Variants in VPS35 observed in about 807,000 individuals in gnomAD.
The protein encoded by VPS35 is VPS35 retromer complex component.
A neutral mutation model predicts 98.1 loss-of-function variants in VPS35; 21 were observed. The ratio of observed to expected loss-of-function variants is 0.21; its 90% CI spans 0.15 to 0.31. The LOEUF is 0.31. Among genes scored for constraint, VPS35 ranks in the 10% least tolerant of loss-of-function variants. VPS35 has a pLI of 1.00. For missense variants in VPS35, 554 were observed against 950.8 expected, an observed-to-expected ratio of 0.58 and a Z score of 5.49; for synonymous variants, 268 against 318.2, an observed-to-expected ratio of 0.84 and a Z score of 1.68.
At chr16:46,672,125 T>C in intron 11 of VPS35, 140 bp downstream of exon 11, 1 of 807,952 alleles carries the variant, frequency 1.2e-6, no homozygotes, top group Admixed American at 2.7e-5. Flanking sequence ...CATCTCCAAT[T>C]TTTAATTTAT....
intron 3 of VPS35, 163 bp downstream of exon 3, chr16:46,681,916 T>A: frequency 3.2e-6 from 2 of 624,904 alleles, no homozygotes; most frequent in Non-Finnish European, 5.8e-6. Context: ...ACTCTCAAAG[T>A]GTTTTTCTCA....
At chr16:46,682,333 T>C in intron 2 of VPS35, 158 bp from the exon 3 acceptor site, 1 of 637,942 alleles carries the variant, frequency 1.6e-6, no homozygotes, top group East Asian at 2.8e-5. Flanking sequence ...TTAGATCGGT[T>C]CACCTTGCCG....
rs973278875 is a variant in VPS35, at chr16:46,657,113, G to A, written c.*3359C>T. 1 of 152,208 alleles carries A rather than the reference G, an allele frequency of 6.6e-6. No homozygotes were observed. The highest frequency in any genetic ancestry group is 1.5e-5 in the Non-Finnish European group (1 of 68,058). 9.4% of individuals were successfully genotyped at this position (152,208 alleles called of 1,614,324 possible). On this transcript the variant is annotated 3_prime_UTR_variant, in exon 17 of 17. Coordinates refer to ENST00000299138, the MANE Select transcript of VPS35 (RefSeq NM_018206.6). Reference sequence around the variant, plus strand: ...AGTAATCAGCAATACAAGACCACAAGCCAGGAAACATTTGTCTTTAATCAA... The same window carrying A: ...AGTAATCAGCAATACAAGACCACAAACCAGGAAACATTTGTCTTTAATCAA...
chr16:46,686,649 A>G (rs1221643590), intron 1 of VPS35, among the ~76,000 whole-genome samples: 1 of 152,228 alleles, frequency 6.6e-6, no homozygotes, highest in African/African-American at 2.4e-5. Context: ...GCTATTCTTG[A>G]TGCCTTACTA....
chr16:46,671,502 C>T (rs763506465), intron 12 of VPS35, among the ~76,000 whole-genome samples: 43 of 151,930 alleles, frequency 2.8e-4, no homozygotes, highest in Non-Finnish European at 5.7e-4. Context: ...GATGGAGTCT[C>T]GCTGTGTTGC....
chr16:46,662,143 T>G, intron 15 of VPS35, 100 bp downstream of exon 15: 1 of 1,600,422 alleles, frequency 6.2e-7, no homozygotes. Flanking sequence ...TCATCAGATT[T>G]CCAAGCACCC....
chr16:46,676,237 G>A (rs1596720130), intron 8 of VPS35, among the ~76,000 whole-genome samples: 1 of 152,212 alleles, frequency 6.6e-6, no homozygotes, highest in African/African-American at 2.4e-5. Flanking sequence ...CCCACTGCAA[G>A]ATACTTACAT....
intron 12 of VPS35, among the ~76,000 whole-genome samples, chr16:46,669,692 AAG>A (rs941256416): frequency 6.6e-6 from 1 of 151,820 alleles, no homozygotes; most frequent in South Asian, 2.1e-4. Context: ...GAAAAAAGAA[AAG>A]AGAAAAAAAG....
chr16:46,677,578 C>A, intron 6 of VPS35, 180 bp from the exon 7 acceptor site: 1 of 599,024 alleles, frequency 1.7e-6, no homozygotes, highest in Non-Finnish European at 3.0e-6. Flanking sequence ...TTCGGTTGCC[C>A]AGGCTGGAGT....
intron 1 of VPS35, 39 bp downstream of exon 1, chr16:46,689,092 G>C: frequency 6.2e-7 from 1 of 1,603,760 alleles, no homozygotes; most frequent in Non-Finnish European, 8.5e-7. Context: ...GGGCTACAAG[G>C]AGGGTCGACC....
At chr16:46,663,676 C>A (rs533946318) in intron 13 of VPS35, among the ~76,000 whole-genome samples, 1 of 151,214 alleles carries the variant, frequency 6.6e-6, no homozygotes, top group African/African-American at 2.4e-5. Context: ...GGATCACAGG[C>A]GTGAGCCACT....
At chr16:46,684,165 T>G (rs1323036614) in intron 1 of VPS35, among the ~76,000 whole-genome samples, 15 of 152,296 alleles carry the variant, frequency 9.8e-5, no homozygotes, top group Non-Finnish European at 1.9e-4. Context: ...TCAAAGAAAC[T>G]TGCAGTGGTA....
intron 1 of VPS35, 40 bp from the exon 2 acceptor site, chr16:46,683,646 C>G (rs1966267506): frequency 1.3e-6 from 2 of 1,513,232 alleles, no homozygotes; most frequent in Admixed American, 3.4e-5. Flanking sequence ...CAAGCACATT[C>G]TTCTAGCAAG....
At chr16:46,682,784 C>T (rs1012614168) in intron 2 of VPS35, 5 of 154,142 alleles carry the variant, frequency 3.2e-5, no homozygotes, top group African/African-American at 1.2e-4. Flanking sequence ...GGAATTAAAC[C>T]AATAAAAGAC....
chr16:46,680,501 A>G (rs1476207651), intron 5 of VPS35, among the ~76,000 whole-genome samples, 170 bp downstream of exon 5: 8 of 152,260 alleles, frequency 5.3e-5, no homozygotes, highest in Non-Finnish European at 7.3e-5. Context: ...ATGATACCAC[A>G]TATACTGAGG....
intron 13 of VPS35, among the ~76,000 whole-genome samples, chr16:46,667,564 G>T (rs1199355914): frequency 6.6e-6 from 1 of 151,404 alleles, no homozygotes; most frequent in African/African-American, 2.4e-5. Context: ...ACTTATTTTT[G>T]CTTTAGTTGC....
At chr16:46,680,417 G>GA (rs1260376533) in intron 5 of VPS35, among the ~76,000 whole-genome samples, 1 of 152,058 alleles carries the variant, frequency 6.6e-6, no homozygotes, top group Admixed American at 6.6e-5. Flanking sequence ...TAATGTAGTA[G>GA]AAAAAATTAC....
In VPS35 at chr16:46,661,110, A is replaced by G. The variant is rs1011280798; in HGVS notation, c.2212-459T>C. Among the ~76,000 whole-genome samples the G allele has an allele frequency of 1.3e-5, 2 of 152,096 alleles. No individual in the cohort carries two copies. The highest frequency in any genetic ancestry group is 1.5e-5 in the Non-Finnish European group (1 of 68,026). ...TGCAATGAGCTGAGATTGCCACTGC[A>G]CTCCAGCCTGGGTGACAGAGCCAGA... On this transcript the variant is annotated intron_variant, in intron 16 of 16. Coordinates refer to ENST00000299138, the MANE Select transcript of VPS35 (RefSeq NM_018206.6). This position sits in a 1 kb window ranked among gnomAD's most constrained non-coding sequence, Gnocchi z 4.3.
At chr16:46,663,892 G>C (rs1651651) in intron 13 of VPS35, among the ~76,000 whole-genome samples, 1 of 2,504 alleles carries the variant, frequency 4.0e-4, no homozygotes, top group Non-Finnish European at 1.2e-3. Context: ...TTTTTTTTTT[G>C]TAGAGACAGG....
Sources: allele counts gnomAD v4.1 joint callset (sites outside exome capture counted in the v4.1 genomes callset), GRCh38; gene constraint gnomAD v4.1.1; non-coding constraint Gnocchi (gnomAD v3.1); transcripts MANE v1.5; gene names NCBI Gene and HGNC (gene_info 2026-07-23, HGNC 2026-07-21).